MAP3K14: variants seen among roughly 807,000 people sequenced by gnomAD.
MAP3K14 encodes the protein mitogen-activated protein kinase kinase kinase 14.
A neutral mutation model predicts 99.2 loss-of-function variants in MAP3K14; 16 were observed. The observed-to-expected ratio is 0.16, with a 90% confidence interval of 0.11 to 0.24. The LOEUF (loss-of-function observed/expected upper bound fraction) is 0.24, where lower values mean the gene tolerates loss of function less well. MAP3K14 is among the 10% of genes least tolerant of loss of function. The pLI is 1.00. For missense variants in MAP3K14, 784 were observed against 1,208.7 expected, an observed-to-expected ratio of 0.65 and a Z score of 5.21; for synonymous variants, 462 against 492.4, an observed-to-expected ratio of 0.94 and a Z score of 0.82.
At chr17:45,300,037 C>T (rs1275429934) in intron 1 of MAP3K14, among the ~76,000 whole-genome samples, 2 of 152,008 alleles carry the variant, frequency 1.3e-5, no homozygotes, top group African/African-American at 2.4e-5. Context: ...TGCAGTGAGC[C>T]GAGATCGCGC....
intron 6 of MAP3K14, 54 bp downstream of exon 6, chr17:45,284,758 A>G (rs1295335979): frequency 6.5e-6 from 10 of 1,537,452 alleles, no homozygotes. Flanking sequence ...GAGGGAACAC[A>G]CCAGGCCCCC....
intron 1 of MAP3K14, among the ~76,000 whole-genome samples, chr17:45,299,644 G>A (rs2044371511): frequency 1.3e-5 from 2 of 152,168 alleles, no homozygotes; most frequent in African/African-American, 4.8e-5. Context: ...CCTCAGAACT[G>A]GACTCATTGG....
chr17:45,313,039 T>C (rs970297849), intron 1 of MAP3K14, among the ~76,000 whole-genome samples: 2 of 152,148 alleles, frequency 1.3e-5, no homozygotes, highest in Non-Finnish European at 2.9e-5. Flanking sequence ...GTTAGGATTG[T>C]CAACTGGGCA....
Position 45,296,089 on chromosome 17 carries a change from G to C in MAP3K14, c.-20-5324C>G, listed in dbSNP as rs144505970. 7.8e-3 allele frequency among the ~76,000 whole-genome samples: 1,185 copies of C among 152,314 alleles called. 16 individuals are homozygous for C. Among genetic ancestry groups the C allele is most frequent in the Middle Eastern group, 0.051 (15 of 294 alleles). The stretch of plus-strand genomic sequence containing the variant: ...AAACTTGTCCTTCTCTGAATGCCCA[G>C]AGGGGATAAATAGCAGAAGTAGAAT... On this transcript the variant is annotated intron_variant, in intron 1 of 15. Coordinates refer to ENST00000344686, the MANE Select transcript of MAP3K14 (RefSeq NM_003954.5).
At chr17:45,274,661 T>C in intron 6 of MAP3K14, 68 bp from the exon 7 acceptor site, 2 of 1,568,112 alleles carry the variant, frequency 1.3e-6, no homozygotes, top group Admixed American at 3.6e-5. Context: ...TGGCATCCTG[T>C]CAGCACCCTA....
intron 1 of MAP3K14, among the ~76,000 whole-genome samples, chr17:45,305,553 G>C (rs996406899): frequency 6.6e-6 from 1 of 151,972 alleles, no homozygotes; most frequent in Non-Finnish European, 1.5e-5. Context: ...GTACCACCAC[G>C]CATGGCTAAT....
In MAP3K14 at chr17:45,267,044, G is replaced by T; in HGVS notation, c.2433+48C>A. 1.4e-6 allele frequency: 2 copies of T among 1,409,860 alleles called. No homozygotes were observed. The highest frequency in any genetic ancestry group is 9.8e-7 in the Non-Finnish European group (1 of 1,019,054). 87.3% of individuals were successfully genotyped at this position (1,409,860 alleles called of 1,614,324 possible). ...GCTACTTGCTCTGTGCCAGGGCCGG[G>T]AAAACCACACCCCTGGAGCCATGGC... On this transcript the variant is annotated intron_variant, in intron 13 of 15. Transcript: ENST00000344686. The surrounding 1 kb of genome is among the most constrained non-coding windows in gnomAD (Gnocchi z 5.1).
intron 1 of MAP3K14, among the ~76,000 whole-genome samples, chr17:45,300,076 G>T (rs989303739): frequency 6.6e-6 from 1 of 152,110 alleles, no homozygotes; most frequent in Non-Finnish European, 1.5e-5. Context: ...GCAACAGAGC[G>T]AGACTCCATC....
intron 1 of MAP3K14, among the ~76,000 whole-genome samples, chr17:45,305,140 C>T (rs1483759298): frequency 3.9e-5 from 6 of 152,058 alleles, no homozygotes. Flanking sequence ...CTCTGTCGCC[C>T]AGGCTGGAGT....
chr17:45,278,617 C>A (rs895958571), intron 6 of MAP3K14, among the ~76,000 whole-genome samples: 2 of 151,790 alleles, frequency 1.3e-5, no homozygotes, highest in African/African-American at 2.4e-5. Flanking sequence ...CGCTTTTACT[C>A]GGGCAAGCCT....
chr17:45,283,483 C>A (rs2044239738), intron 6 of MAP3K14, among the ~76,000 whole-genome samples: 1 of 152,188 alleles, frequency 6.6e-6, no homozygotes, highest in Non-Finnish European at 1.5e-5. Context: ...CTGGTCTCAC[C>A]ATCCAGCCCA....
chr17:45,280,719 C>T (rs1467792115), intron 6 of MAP3K14, among the ~76,000 whole-genome samples: 1 of 151,856 alleles, frequency 6.6e-6, no homozygotes, highest in Non-Finnish European at 1.5e-5. Flanking sequence ...AAGTGATTCT[C>T]CTGCCTCAGC....
chr17:45,301,628 A>G (rs2044388662), intron 1 of MAP3K14, among the ~76,000 whole-genome samples: 1 of 152,206 alleles, frequency 6.6e-6, no homozygotes, highest in Non-Finnish European at 1.5e-5. Flanking sequence ...AAATTAGTAG[A>G]AAGAGGATAC....
intron 6 of MAP3K14, among the ~76,000 whole-genome samples, chr17:45,278,872 C>T (rs780822253): frequency 1.3e-5 from 2 of 152,104 alleles, no homozygotes; most frequent in African/African-American, 4.8e-5. Context: ...CCATATTGCC[C>T]AGGCTAGTCT....
Position 45,267,261 on chromosome 17 carries a change from G to T in MAP3K14, c.2327-63C>A. 7.2e-7 allele frequency: 1 copy of T among 1,394,708 alleles called. No homozygotes were observed. The highest frequency in any genetic ancestry group is 1.0e-6 in the Non-Finnish European group (1 of 1,003,312). 86.4% of individuals were successfully genotyped at this position (1,394,708 alleles called of 1,614,324 possible). ...GAGGAGGCTGGCTGTGTTTTCAGGG[G>T]TTCTTCCTGCACAGTCGGTAGAAGC... On this transcript the variant is annotated intron_variant, in intron 12 of 15. Coordinates refer to ENST00000344686, the MANE Select transcript of MAP3K14 (RefSeq NM_003954.5). The surrounding 1 kb of genome is among the most constrained non-coding windows in gnomAD (Gnocchi z 5.1).
chr17:45,286,933 A>G lies in MAP3K14; in HGVS notation c.650T>C (p.Leu217Pro), dbSNP rs2044271102. The G allele has an allele frequency of 6.2e-7, 1 of 1,613,942 alleles. No homozygotes were observed. The highest frequency in any genetic ancestry group is 1.7e-5 in the Admixed American group (1 of 60,008). The stretch of plus-strand genomic sequence containing the variant: ...TTCTGATCGAGGCAGAGCCGGCCGT[A>G]GGCCCTCGCCAAGCTGCTTAAAACA... ...QLCFKQLGEG[L>P]RPALPRSELH... is the part of the protein sequence containing the mutation. Residue 217 changes from leucine (L) to proline (P), a missense_variant, in exon 5 of 16, where the codon CTA becomes CCA. Coordinates refer to ENST00000344686, the MANE Select transcript of MAP3K14 (RefSeq NM_003954.5). This position sits in a 1 kb window ranked among gnomAD's most constrained non-coding sequence, Gnocchi z 4.1.
At chr17:45,297,493 C>A (rs748515613) in intron 1 of MAP3K14, among the ~76,000 whole-genome samples, 1 of 152,112 alleles carries the variant, frequency 6.6e-6, no homozygotes, top group Non-Finnish European at 1.5e-5. Context: ...TTTAACAGGT[C>A]GTTTCATTTT....
Position 45,297,486 on chromosome 17 carries a change from A to G in MAP3K14, c.-20-6721T>C, listed in dbSNP as rs183286564. Among the ~76,000 whole-genome samples, 6 of 152,332 alleles carry G rather than the reference A, an allele frequency of 3.9e-5. No homozygotes were observed. The East Asian group carries it at 1.2e-3, about 29-fold the overall frequency. On this transcript the variant is annotated intron_variant, in intron 1 of 15. Transcript: ENST00000344686. ...TGTTATGACTTAACTTGATGGTTTT[A>G]ACAGGTCGTTTCATTTTCTTGAAAC...
At chr17:45,307,797 T>G (rs547665570) in intron 1 of MAP3K14, among the ~76,000 whole-genome samples, 2 of 152,318 alleles carry the variant, frequency 1.3e-5, no homozygotes, top group African/African-American at 4.8e-5. Context: ...GAGGAACTAG[T>G]TTGAGGAACT....
Sources: allele counts gnomAD v4.1 joint callset (sites outside exome capture counted in the v4.1 genomes callset), GRCh38; gene constraint gnomAD v4.1.1; non-coding constraint Gnocchi (gnomAD v3.1); transcripts MANE v1.5; gene names NCBI Gene and HGNC (gene_info 2026-07-23, HGNC 2026-07-21).